Variants in LDLRAD2 observed in about 807,000 individuals in gnomAD.
LDLRAD2 encodes the protein low-density lipoprotein receptor class A domain-containing protein 2.
In LDLRAD2, 25 loss-of-function variants were observed where a neutral mutation model predicts 24.9. The observed-to-expected ratio is 1.00, with a 90% confidence interval of 0.73 to 1.40. The LOEUF (loss-of-function observed/expected upper bound fraction) is 1.40, where lower values mean the gene tolerates loss of function less well. Among genes scored for constraint, LDLRAD2 ranks in the 40% most tolerant of loss-of-function variants. The probability of loss-of-function intolerance (pLI) is 0.00; values close to 1 mark genes in which losing one functional copy is unlikely to be tolerated. For missense variants in LDLRAD2, 391 were observed against 366.2 expected, an observed-to-expected ratio of 1.07 and a Z score of -0.55; for synonymous variants, 182 against 166.7, an observed-to-expected ratio of 1.09 and a Z score of -0.71.
intron 3 of LDLRAD2, 57 bp from the exon 4 acceptor site, chr1:21,821,393 A>C (rs2097951651): frequency 3.7e-6 from 6 of 1,602,876 alleles, no homozygotes; most frequent in South Asian, 3.3e-5. Flanking sequence ...AATGAAACAC[A>C]CAAGTGTCCC....
intron 3 of LDLRAD2, among the ~76,000 whole-genome samples, chr1:21,821,181 A>C (rs2097951244): frequency 6.6e-6 from 1 of 152,208 alleles, no homozygotes; most frequent in South Asian, 2.1e-4. Flanking sequence ...TGGGCGACAG[A>C]GTGAGACCCT....
rs538032437 is a variant in LDLRAD2 at position 21,822,693 on chromosome 1, G to C, written c.*478G>C. Reference sequence around the variant, plus strand: ...CCAGGCTGTGTGCTGGCAGGAGGGGGTGGGAATGCAGGCCAGGAGGACGTG... The same window carrying C: ...CCAGGCTGTGTGCTGGCAGGAGGGGCTGGGAATGCAGGCCAGGAGGACGTG... On this transcript the variant is annotated 3_prime_UTR_variant, in exon 5 of 5. Coordinates refer to ENST00000344642, the MANE Select transcript of LDLRAD2 (RefSeq NM_001013693.3). 72 of 168,888 alleles carry C rather than the reference G, an allele frequency of 4.3e-4. 1 individual carries two copies. Among genetic ancestry groups the C allele is most frequent in the Middle Eastern group, 2.9e-3 (1 of 350 alleles). The allele number at this position is 168,888 out of a possible 1,614,324, so 10.5% of individuals were successfully genotyped here.
intron 4 of LDLRAD2, 123 bp from the exon 5 acceptor site, chr1:21,822,079 C>T: frequency 6.4e-7 from 1 of 1,570,280 alleles, no homozygotes; most frequent in Non-Finnish European, 8.6e-7. Context: ...TGAGACTCAG[C>T]TGCCCCTCTA....
At position 21,824,758 on chromosome 1, in the gene LDLRAD2, G is replaced by A; in HGVS notation, c.*2543G>A. The A allele has an allele frequency of 1.2e-6, 2 of 1,613,224 alleles. No homozygotes were observed. The highest frequency in any genetic ancestry group is 1.7e-4 in the Middle Eastern group (1 of 6,060). On this transcript the variant is annotated 3_prime_UTR_variant, in exon 5 of 5. Transcript: ENST00000344642. The surrounding 1 kb of genome is among the most constrained non-coding windows in gnomAD (Gnocchi z 5.9). ...GAGGAAGCCATCATCGTGGAAATAG[G>A]CTCCGTACTGCCCAGGGGCATCTGT...
intron 4 of LDLRAD2, 110 bp downstream of exon 4, chr1:21,821,721 C>T: frequency 1.3e-6 from 2 of 1,537,554 alleles, no homozygotes; most frequent in Non-Finnish European, 1.8e-6. Context: ...TCTCTTCCCA[C>T]AGGCCCCCAG....
At chr1:21,820,522 CAAAAA>C (rs11370390) in intron 3 of LDLRAD2, among the ~76,000 whole-genome samples, 1 of 70,178 alleles carries the variant, frequency 1.4e-5, no homozygotes, top group Non-Finnish European at 3.0e-5. Flanking sequence ...GACTCCGTCT[CAAAAA>C]AAAAAAAAAA....
chr1:21,820,445 C>A (rs1380555239), intron 3 of LDLRAD2, among the ~76,000 whole-genome samples: 1 of 150,674 alleles, frequency 6.6e-6, no homozygotes, highest in Non-Finnish European at 1.5e-5. Context: ...ATGGCGTGAA[C>A]CCGGAAGGCG....
chr1:21,823,287 C>T lies in LDLRAD2; in HGVS notation c.*1072C>T, dbSNP rs1291430854. The T allele has an allele frequency of 1.3e-6, 2 of 1,489,962 alleles. No individual in the cohort carries two copies. The highest frequency in any genetic ancestry group is 2.5e-5 in the East Asian group (1 of 40,292). The allele number at this position is 1,489,962 out of a possible 1,614,324, so 92.3% of individuals were successfully genotyped here. A position where few individuals can be genotyped will look rare whatever the true frequency, so the allele number is the denominator to read the frequency against. Reference sequence around the variant, plus strand: ...CGACATTGTCGGGCTGGGGCGTGGCCCGGGAGTCCGTGTGGGGCAGGCAGG... The same window carrying T: ...CGACATTGTCGGGCTGGGGCGTGGCTCGGGAGTCCGTGTGGGGCAGGCAGG... On this transcript the variant is annotated 3_prime_UTR_variant, in exon 5 of 5. Coordinates refer to ENST00000344642, the MANE Select transcript of LDLRAD2 (RefSeq NM_001013693.3).
At position 21,812,320 on chromosome 1, in the gene LDLRAD2, T is replaced by C. The variant is rs2097939322; in HGVS notation, c.-132T>C. 7.7e-6 allele frequency: 5 copies of C among 648,694 alleles called. No individual in the cohort carries two copies. In the East Asian group the frequency reaches 1.4e-4, roughly 18 times the overall value. 40.2% of individuals were successfully genotyped at this position (648,694 alleles called of 1,614,324 possible). A position where few individuals can be genotyped will look rare whatever the true frequency, so the allele number is the denominator to read the frequency against. The stretch of plus-strand genomic sequence containing the variant: ...AAGCACTAAGATCATAGTGAAGACT[T>C]GCCTCCCCCTTCTCCTTGTGTCCCA... On this transcript the variant is annotated 5_prime_UTR_variant, in exon 1 of 5. Coordinates refer to ENST00000344642, the MANE Select transcript of LDLRAD2 (RefSeq NM_001013693.3).
rs1013019069 is a variant in LDLRAD2 at position 21,818,870 on chromosome 1, GC to G, written c.644-2574del. Among the ~76,000 whole-genome samples, 254 of 49,516 alleles carry G rather than the reference GC, an allele frequency of 5.1e-3. 1 individual carries two copies. Among genetic ancestry groups the G allele is most frequent in the East Asian group, 0.044 (76 of 1,726 alleles). 32.5% of individuals were successfully genotyped at this position (49,516 alleles called of 152,430 possible). ...GCCTCGCCTCTTCCTTCCTGGCCCC[GC>G]CCCCCGCCCCACCCCTCCCTGGCCC... On this transcript the variant is annotated intron_variant, in intron 3 of 4. Coordinates refer to ENST00000344642, the MANE Select transcript of LDLRAD2 (RefSeq NM_001013693.3).
intron 3 of LDLRAD2, among the ~76,000 whole-genome samples, chr1:21,818,957 T>G (rs1478090357): frequency 6.9e-6 from 1 of 145,224 alleles, no homozygotes; most frequent in African/African-American, 2.5e-5. Context: ...CCAGCTTTGT[T>G]CTGGCCTTTG....
At chr1:21,816,992 C>A (rs1336919425) in intron 3 of LDLRAD2, among the ~76,000 whole-genome samples, 1 of 152,184 alleles carries the variant, frequency 6.6e-6, no homozygotes, top group East Asian at 1.9e-4. Flanking sequence ...TAACTTGCCC[C>A]ATACTGGACT....
At chr1:21,821,380 T>A in intron 3 of LDLRAD2, 70 bp from the exon 4 acceptor site, 1 of 1,588,090 alleles carries the variant, frequency 6.3e-7, no homozygotes, top group South Asian at 1.1e-5. Flanking sequence ...CTTGTGAGGA[T>A]TGAATGAAAC....
Position 21,823,863 on chromosome 1 carries a change from CGA to C in LDLRAD2, c.*1653_*1654del. The C allele has an allele frequency of 1.3e-6, 1 of 772,286 alleles. No homozygotes were observed. 47.8% of individuals were successfully genotyped at this position (772,286 alleles called of 1,614,324 possible). ...CAAGCTCTTTCTTTCCCCCGCTGAACGAGAGATCGGGCCCCACAAACACAGCT... is the reference window on the plus strand; with the variant it reads ...CAAGCTCTTTCTTTCCCCCGCTGAACGAGATCGGGCCCCACAAACACAGCT... On this transcript the variant is annotated 3_prime_UTR_variant, in exon 5 of 5. Transcript: ENST00000344642.
At chr1:21,819,013 A>T (rs1229533204) in intron 3 of LDLRAD2, among the ~76,000 whole-genome samples, 1 of 150,708 alleles carries the variant, frequency 6.6e-6, no homozygotes, top group East Asian at 2.0e-4. Flanking sequence ...TGAGATCTGC[A>T]TTGCAAGCTC....
In LDLRAD2 at chr1:21,822,347, C is replaced by A; in HGVS notation, c.*132C>A. The stretch of plus-strand genomic sequence containing the variant: ...GCGTCCCAACCCCACAGTCTGGGGG[C>A]CACTGGCAGGATGGCACTTGAGCTG... On this transcript the variant is annotated 3_prime_UTR_variant, in exon 5 of 5. Transcript: ENST00000344642. 1 of 882,454 alleles carries A rather than the reference C, an allele frequency of 1.1e-6. No individual in the cohort carries two copies. 54.7% of individuals were successfully genotyped at this position (882,454 alleles called of 1,614,324 possible).
In LDLRAD2 at chr1:21,822,389, C is replaced by T. The variant is rs2097953986; in HGVS notation, c.*174C>T. ...CTTGAGCTGGATCTTCAGGCTCCTG[C>T]AGATGGGGCAGGGTGGTCATATCCC... On this transcript the variant is annotated 3_prime_UTR_variant, in exon 5 of 5. Transcript: ENST00000344642. 1 of 659,220 alleles carries T rather than the reference C, an allele frequency of 1.5e-6. No individual in the cohort carries two copies. The highest frequency in any genetic ancestry group is 2.7e-5 in the East Asian group (1 of 36,668). The allele number at this position is 659,220 out of a possible 1,614,324, so 40.8% of individuals were successfully genotyped here.
In LDLRAD2 at chr1:21,814,479, A is replaced by T. The variant is rs762902758; in HGVS notation, c.167A>T (p.Tyr56Phe). 6.2e-7 allele frequency: 1 copy of T among 1,612,436 alleles called. No homozygotes were observed. The highest frequency in any genetic ancestry group is 1.7e-5 in the Admixed American group (1 of 59,996). The change falls in exon 2 of 5, where the codon TAC (tyrosine) becomes TTC (phenylalanine). Residue 56 changes from tyrosine to phenylalanine, a missense_variant. Coordinates refer to ENST00000344642, the MANE Select transcript of LDLRAD2 (RefSeq NM_001013693.3). Reference sequence around the variant, plus strand: ...TCGCACGCCGCATCGCGCAGGTTCTACTTCGTGGCTCCGGACACCGACTGC... The same window carrying T: ...TCGCACGCCGCATCGCGCAGGTTCTTCTTCGTGGCTCCGGACACCGACTGC... ...LRSHAASRRF[Y>F]FVAPDTDCGL...
Position 21,816,832 on chromosome 1 carries a change from TCC to T in LDLRAD2, c.643+759_643+760del, listed in dbSNP as rs1454094660. Among the ~76,000 whole-genome samples, 3 of 152,122 alleles carry T rather than the reference TCC, an allele frequency of 2.0e-5. No homozygotes were observed. In the East Asian group the frequency reaches 5.8e-4, roughly 29 times the overall value. On this transcript the variant is annotated intron_variant, in intron 3 of 4. Coordinates refer to ENST00000344642, the MANE Select transcript of LDLRAD2 (RefSeq NM_001013693.3). ...TATGCTTTGTGCCATGAGACCCAGG[TCC>T]TATGTCCCCTTGTCCTCCATCCAGG...
Sources: gnomAD v4.1 joint callset for allele counts (sites outside exome capture counted in the v4.1 genomes callset) on GRCh38, gnomAD v4.1.1 for gene constraint, Gnocchi (gnomAD v3.1) non-coding constraint, MANE v1.5 for transcripts, NCBI Gene and HGNC (gene_info 2026-07-23, HGNC 2026-07-21) for gene names.